The following ANGEL1 variants were observed in gnomAD, a reference collection of about 807,000 sequenced individuals.
The protein encoded by ANGEL1 is angel homolog 1, also known as RNA 2',3'-cyclic phosphatase ANGEL1.
In ANGEL1, 62 loss-of-function variants were observed where a neutral mutation model predicts 76.4. The observed-to-expected ratio is 0.81, with a 90% confidence interval of 0.66 to 1.00. The LOEUF (loss-of-function observed/expected upper bound fraction) is 1.00. ANGEL1 is among the 50% of genes least tolerant of loss of function. ANGEL1 has a pLI of 0.00. For missense variants in ANGEL1, 737 were observed against 836.7 expected, an observed-to-expected ratio of 0.88 and a Z score of 1.47; for synonymous variants, 340 against 331.7, an observed-to-expected ratio of 1.03 and a Z score of -0.27.
chr14:76,809,218 G>A lies in ANGEL1; in HGVS notation c.490C>T (p.Leu164Phe), dbSNP rs1895011491. Reference sequence around the variant, plus strand: ...TCTGTGGCCAGGGCACCCACTGGGAGGGCAGCACAGTCTGCATACTGGGGC... The same window carrying A: ...TCTGTGGCCAGGGCACCCACTGGGAAGGCAGCACAGTCTGCATACTGGGGC... Reference protein sequence around the residue: ...SEPQYADCAALPVGALATEQW... With the variant: ...SEPQYADCAAFPVGALATEQW... The change falls in exon 2 of 10, where the codon CTC (leucine) becomes TTC (phenylalanine). Residue 164 changes from leucine (L) to phenylalanine (F), a missense_variant. Around this residue, in one of 2 missense-constraint regions of ANGEL1, gnomAD observed 441 missense variants for 449.5 expected, o/e 0.98. Transcript: ENST00000251089. 3.7e-6 allele frequency: 6 copies of A among 1,613,216 alleles called. No homozygotes were observed. Among genetic ancestry groups the A allele is most frequent in the Non-Finnish European group, 4.2e-6 (5 of 1,179,582 alleles).
In ANGEL1 at chr14:76,807,905, T is replaced by G; in HGVS notation, c.876+17A>C. ...TCCAGCAACAATGCAAGATGGCAAT[T>G]CCCCCTCTTCACTCACATCAGGGTC... On this transcript the variant is annotated intron_variant, in intron 3 of 9. Transcript: ENST00000251089. 6.2e-7 allele frequency: 1 copy of G among 1,612,532 alleles called. No homozygotes were observed.
rs1347380549 is a variant in ANGEL1, at chr14:76,786,165, TTC to T, written c.*3061_*3062del. ...TGAGTTTTCTTTCTTTTCTTTTCTT[TTC>T]TTTTTTTTTTTTTGAGATGGAGTTT... On this transcript the variant is annotated 3_prime_UTR_variant, in exon 10 of 10. Transcript: ENST00000251089. The T allele has an allele frequency of 3.2e-4, 45 of 142,402 alleles. No individual in the cohort carries two copies. The highest frequency in any genetic ancestry group is 4.2e-4 in the Admixed American group (6 of 14,392). 8.8% of individuals were successfully genotyped at this position (142,402 alleles called of 1,614,324 possible). A position where few individuals can be genotyped will look rare whatever the true frequency, so the allele number is the denominator to read the frequency against.
At chr14:76,805,908 G>A (rs1436998130) in intron 5 of ANGEL1, among the ~76,000 whole-genome samples, 2 of 152,182 alleles carry the variant, frequency 1.3e-5, no homozygotes, top group Non-Finnish European at 2.9e-5. Flanking sequence ...AGCCATGATG[G>A]AAACTGTGAA....
intron 8 of ANGEL1, among the ~76,000 whole-genome samples, 188 bp from the exon 9 acceptor site, chr14:76,790,962 G>T (rs1050415084): frequency 6.6e-6 from 1 of 152,004 alleles, no homozygotes; most frequent in African/African-American, 2.4e-5. Flanking sequence ...ACACACATTT[G>T]TACTGAGACT....
In ANGEL1 at chr14:76,809,639, A is replaced by G. The variant is rs777806956; in HGVS notation, c.69T>C (p.Ala23=). 19 of 1,610,566 alleles carry G rather than the reference A, an allele frequency of 1.2e-5. No individual in the cohort carries two copies. Among genetic ancestry groups the G allele is most frequent in the Non-Finnish European group, 1.5e-5 (18 of 1,177,954 alleles). Reference sequence around the variant, plus strand: ...GGACATTTTTTCGACATGTGAAGAAAGCATCTAGGAGGAAAGCCAAAATAC... The same window carrying G: ...GGACATTTTTTCGACATGTGAAGAAGGCATCTAGGAGGAAAGCCAAAATAC... ...ATRLFRALSD[A]FFTCRKNVLL... The change falls in exon 2 of 10, where the codon GCT becomes GCC. Residue 23 remains alanine, a synonymous_variant. Transcript: ENST00000251089.
intron 7 of ANGEL1, among the ~76,000 whole-genome samples, chr14:76,796,310 G>A (rs543059101): frequency 2.0e-5 from 3 of 147,426 alleles, no homozygotes; most frequent in Non-Finnish European, 4.5e-5. Flanking sequence ...AGGCAGGGGT[G>A]TGATCACAGC....
At chr14:76,796,683 A>G (rs2140214990) in intron 7 of ANGEL1, among the ~76,000 whole-genome samples, 1 of 152,310 alleles carries the variant, frequency 6.6e-6, no homozygotes, top group Admixed American at 6.5e-5. Flanking sequence ...TGTTTGATAT[A>G]TATGAATCAG....
At chr14:76,793,204 A>G (rs1595294475) in intron 7 of ANGEL1, among the ~76,000 whole-genome samples, 1 of 151,176 alleles carries the variant, frequency 6.6e-6, no homozygotes, top group African/African-American at 2.4e-5. Context: ...CAAAACTTGG[A>G]AAGAAACTAA....
intron 7 of ANGEL1, among the ~76,000 whole-genome samples, chr14:76,794,489 G>A (rs909427934): frequency 6.6e-6 from 1 of 152,010 alleles, no homozygotes; most frequent in Non-Finnish European, 1.5e-5. Flanking sequence ...GGCTAATACA[G>A]TGAAACCCCG....
Position 76,800,290 on chromosome 14 carries a change from G to A in ANGEL1, c.1618+3081C>T, listed in dbSNP as rs527724480. On this transcript the variant is annotated intron_variant, in intron 7 of 9. Transcript: ENST00000251089. ...TAAATCACTGAGCTACGGCTCCCCT[G>A]GCTGAACCTGACTGACACAGAATTT... is the stretch of plus-strand genomic sequence containing the variant. 3.9e-5 allele frequency among the ~76,000 whole-genome samples: 6 copies of A among 152,292 alleles called. No individual in the cohort carries two copies. The South Asian group carries it at 1.2e-3, about 32-fold the overall frequency.
intron 2 of ANGEL1, among the ~76,000 whole-genome samples, chr14:76,808,496 A>G (rs1894987895): frequency 1.4e-5 from 2 of 147,976 alleles, no homozygotes; most frequent in Admixed American, 1.3e-4. Context: ...GGTTAAAGAC[A>G]TTTTTAGAGT....
rs972240100 is a variant in ANGEL1, at chr14:76,804,129, G to A, written c.1381-217C>T. 34 of 1,444,444 alleles carry A rather than the reference G, an allele frequency of 2.4e-5. No individual in the cohort carries two copies. The South Asian group carries it at 4.0e-4, about 17-fold the overall frequency. 89.5% of individuals were successfully genotyped at this position (1,444,444 alleles called of 1,614,324 possible). On this transcript the variant is annotated intron_variant, in intron 5 of 9. Coordinates refer to ENST00000251089, the MANE Select transcript of ANGEL1 (RefSeq NM_015305.4). The stretch of plus-strand genomic sequence containing the variant: ...CAACACTGAAATGTCCATGAAACAG[G>A]AGGAGGGGTAAGAGACTGAATCAAG...
rs139554238 is a variant in ANGEL1 at position 76,809,514 on chromosome 14, C to G, written c.194G>C (p.Arg65Pro). The G allele has an allele frequency of 6.2e-7, 1 of 1,614,242 alleles. No individual in the cohort carries two copies. The highest frequency in any genetic ancestry group is 8.5e-7 in the Non-Finnish European group (1 of 1,180,044). The change falls in exon 2 of 10, where the codon CGA (arginine) becomes CCA (proline). Residue 65 changes from arginine to proline, a missense_variant. Around this residue, in one of 2 missense-constraint regions of ANGEL1, gnomAD observed 441 missense variants for 449.5 expected, o/e 0.98. Transcript: ENST00000251089. ...GAGCACCTGGCTCAACCCTTCTTCT[C>G]GCCACTGCTGCAGCAGGCCCTCACA... is the stretch of plus-strand genomic sequence containing the variant. ...EECEGLLQQW[R>P]EEGLSQVLST...
At chr14:76,799,345 G>A (rs1283630047) in intron 7 of ANGEL1, among the ~76,000 whole-genome samples, 1 of 124,136 alleles carries the variant, frequency 8.1e-6, no homozygotes, top group Non-Finnish European at 1.6e-5. Flanking sequence ...CCAGGCTGGA[G>A]TACAGCGGTG....
At chr14:76,806,023 T>A (rs1294262313) in intron 5 of ANGEL1, among the ~76,000 whole-genome samples, 2 of 152,168 alleles carry the variant, frequency 1.3e-5, no homozygotes, top group Non-Finnish European at 2.9e-5. Flanking sequence ...AACATAGATA[T>A]CACTGTAAAT....
At chr14:76,812,588 G>T (rs1262690609) in intron 1 of ANGEL1, 176 bp downstream of exon 1, 2 of 1,273,214 alleles carry the variant, frequency 1.6e-6, no homozygotes, top group Non-Finnish European at 2.0e-6. Context: ...TCCAGGCCTC[G>T]TGGGGTCAGG....
chr14:76,802,491 A>C (rs2140222919), intron 7 of ANGEL1, among the ~76,000 whole-genome samples: 1 of 152,248 alleles, frequency 6.6e-6, no homozygotes, highest in Admixed American at 6.5e-5. Flanking sequence ...ATCCTTTTAA[A>C]TCTTTCTCTC....
chr14:76,810,313 T>G (rs1566702626), intron 1 of ANGEL1: 6 of 422,908 alleles, frequency 1.4e-5, no homozygotes, highest in Non-Finnish European at 2.9e-5. Flanking sequence ...CCTAGCTACT[T>G]GGGAGGCTGA....
At chr14:76,807,756 TCTC>T (rs1241338768) in intron 3 of ANGEL1, among the ~76,000 whole-genome samples, 163 bp downstream of exon 3, 4 of 152,212 alleles carry the variant, frequency 2.6e-5, no homozygotes, top group African/African-American at 9.7e-5. Context: ...GGGAGATTCT[TCTC>T]AGCATCTGCC....
Sources: allele counts gnomAD v4.1 joint callset (sites outside exome capture counted in the v4.1 genomes callset), GRCh38; gene constraint gnomAD v4.1.1; regional missense constraint gnomAD v4.1.1; transcripts MANE v1.5; gene names NCBI Gene and HGNC (gene_info 2026-07-23, HGNC 2026-07-21).